The following TRAF5 variants were observed in gnomAD, a reference collection of about 807,000 sequenced individuals.
The protein encoded by TRAF5 is TNF receptor associated factor 5, also known as TNF receptor-associated factor 5.
TRAF5 carries 48 observed loss-of-function variants against 64.5 expected under a neutral mutation model. The ratio of observed to expected loss-of-function variants is 0.74; its 90% CI spans 0.59 to 0.95. TRAF5 has a LOEUF of 0.95. Ranked by LOEUF, TRAF5 falls within the 40% of genes least tolerant of loss-of-function variation. The pLI is 0.00. For synonymous variants in TRAF5, 206 were observed against 240.5 expected (o/e 0.86, Z 1.33); for missense variants, 545 against 662.8 (o/e 0.82, Z 1.95).
intron 1 of TRAF5, among the ~76,000 whole-genome samples, chr1:211,333,377 C>T (rs1487744618): frequency 1.3e-5 from 2 of 151,792 alleles, no homozygotes; most frequent in Non-Finnish European, 2.9e-5. Context: ...TTAGTAGAAA[C>T]GGGATTTCAC....
At chr1:211,352,934 C>T (rs1702838731) in intron 1 of TRAF5, among the ~76,000 whole-genome samples, 1 of 152,164 alleles carries the variant, frequency 6.6e-6, no homozygotes, top group Non-Finnish European at 1.5e-5. Context: ...TTTGTCCAAG[C>T]ATATGGCCAA....
At chr1:211,334,256 C>G (rs1392869939) in intron 1 of TRAF5, among the ~76,000 whole-genome samples, 3 of 152,156 alleles carry the variant, frequency 2.0e-5, no homozygotes, top group Non-Finnish European at 2.9e-5. Flanking sequence ...ACCAGGGAAG[C>G]CCATTAGAGA....
chr1:211,373,666 T>A lies in TRAF5; in HGVS notation c.*964T>A, dbSNP rs2102779838. 6.6e-6 allele frequency: 1 copy of A among 152,314 alleles called. No homozygotes were observed. The highest frequency in any genetic ancestry group is 6.5e-5 in the Admixed American group (1 of 15,302). 9.4% of individuals were successfully genotyped at this position (152,314 alleles called of 1,614,324 possible). Reference sequence around the variant, plus strand: ...AATTTACAACTTGAGGAGAAAACCTTTACAATTTCCTATGGGTGTCAGAAG... The same window carrying A: ...AATTTACAACTTGAGGAGAAAACCTATACAATTTCCTATGGGTGTCAGAAG... On this transcript the variant is annotated 3_prime_UTR_variant, in exon 11 of 11. Coordinates refer to ENST00000261464, the MANE Select transcript of TRAF5 (RefSeq NM_001033910.3).
intron 3 of TRAF5, 47 bp from the exon 4 acceptor site, chr1:211,356,320 G>T: frequency 6.6e-7 from 1 of 1,511,166 alleles, no homozygotes. Flanking sequence ...AATTCACATT[G>T]CTGTAAAACT....
In TRAF5 at chr1:211,354,405, T is replaced by C; in HGVS notation, c.219-5T>C. The C allele has an allele frequency of 6.2e-7, 1 of 1,613,966 alleles. No individual in the cohort carries two copies. Among genetic ancestry groups the C allele is most frequent in the Non-Finnish European group, 8.5e-7 (1 of 1,179,936 alleles). On this transcript the variant is annotated splice_region_variant and splice_polypyrimidine_tract_variant and intron_variant, in intron 2 of 10. Transcript: ENST00000261464. ...CTCTGGCTCCATTTTAATTTTTTTC[T>C]CCAGAGAATTAAACACAGTGCCAAT... is the stretch of plus-strand genomic sequence containing the variant.
At chr1:211,358,835 AATACT>A (rs967399882) in intron 4 of TRAF5, 125 of 148,168 alleles carry the variant, frequency 8.4e-4, no homozygotes, top group African/African-American at 2.9e-3. Context: ...TAATATATTA[AATACT>A]ATAATATATT....
At chr1:211,334,970 T>C (rs548216403) in intron 1 of TRAF5, among the ~76,000 whole-genome samples, 27 of 152,216 alleles carry the variant, frequency 1.8e-4, no homozygotes, top group Non-Finnish European at 2.9e-5. Flanking sequence ...CAGCATGGCC[T>C]CCTACTGCTG....
At chr1:211,336,212 AG>A (rs1480769863) in intron 1 of TRAF5, among the ~76,000 whole-genome samples, 1 of 152,178 alleles carries the variant, frequency 6.6e-6, no homozygotes, top group Non-Finnish European at 1.5e-5. Flanking sequence ...CACCTAAATG[AG>A]GGCCCCATAA....
chr1:211,331,800 G>A (rs1001375848), intron 1 of TRAF5, among the ~76,000 whole-genome samples: 6 of 152,116 alleles, frequency 3.9e-5, no homozygotes, highest in Non-Finnish European at 8.8e-5. Flanking sequence ...CAAGTAGCTG[G>A]GATTACAGGC....
chr1:211,372,312 C>A lies in TRAF5; in HGVS notation c.1284C>A (p.Ile428=), dbSNP rs1473186093. The change falls in exon 11 of 11, where the codon ATC becomes ATA. Residue 428 remains isoleucine, a synonymous_variant. Transcript: ENST00000261464. The part of the protein sequence containing the change: ...REAVDGHTVS[I]FSQSFYTSRC... ...CGGTGGATGGGCACACAGTGTCCAT[C>A]TTCAGCCAGTCCTTCTACACCAGCC... The A allele has an allele frequency of 6.2e-7, 1 of 1,614,118 alleles. No homozygotes were observed. Among genetic ancestry groups the A allele is most frequent in the East Asian group, 2.2e-5 (1 of 44,878 alleles).
chr1:211,335,200 G>A (rs561631322), intron 1 of TRAF5, among the ~76,000 whole-genome samples: 1 of 152,286 alleles, frequency 6.6e-6, no homozygotes, highest in East Asian at 1.9e-4. Context: ...CAGCAGACAA[G>A]CCTGAATCCC....
rs547445317 is a variant in TRAF5, at chr1:211,345,975, A to G, written c.-1-7264A>G. Among the ~76,000 whole-genome samples the G allele has an allele frequency of 2.0e-5, 3 of 152,390 alleles. No individual in the cohort carries two copies. In the East Asian group the frequency reaches 5.8e-4, roughly 29 times the overall value. ...TACCTCATGCTGCAGAGCTAAGCAGAGCAAGAGTAGGGGGTGGATCTGGGC... is the reference window on the plus strand; with the variant it reads ...TACCTCATGCTGCAGAGCTAAGCAGGGCAAGAGTAGGGGGTGGATCTGGGC... On this transcript the variant is annotated intron_variant, in intron 1 of 10. Transcript: ENST00000261464.
chr1:211,334,682 A>G (rs562036432), intron 1 of TRAF5, among the ~76,000 whole-genome samples: 12 of 152,012 alleles, frequency 7.9e-5, no homozygotes, highest in Admixed American at 2.0e-4. Flanking sequence ...AAACAAAACA[A>G]AACACATTGT....
Position 211,372,967 on chromosome 1 carries a change from T to G in TRAF5, c.*265T>G. The stretch of plus-strand genomic sequence containing the variant: ...AAGATGGTAAGTTTCTTGAAGTTTT[T>G]GGGGCGTTTCTCTTTTACTGGTGCT... On this transcript the variant is annotated 3_prime_UTR_variant, in exon 11 of 11. Coordinates refer to ENST00000261464, the MANE Select transcript of TRAF5 (RefSeq NM_001033910.3). 3.3e-6 allele frequency: 1 copy of G among 303,480 alleles called. No homozygotes were observed. Among genetic ancestry groups the G allele is most frequent in the Non-Finnish European group, 6.0e-6 (1 of 166,508 alleles). The allele number at this position is 303,480 out of a possible 1,614,324, so 18.8% of individuals were successfully genotyped here.
At chr1:211,333,434 T>TC (rs565310994) in intron 1 of TRAF5, among the ~76,000 whole-genome samples, 24 of 150,708 alleles carry the variant, frequency 1.6e-4, no homozygotes, top group African/African-American at 2.2e-4. Flanking sequence ...GGCGATCCAC[T>TC]CCCCCCCCAC....
Position 211,372,428 on chromosome 1 carries a change from G to A in TRAF5, c.1400G>A (p.Arg467Gln), listed in dbSNP as rs772634293. The change falls in exon 11 of 11, where the codon CGA (arginine) becomes CAA (glutamine). Residue 467 changes from arginine (R) to glutamine (Q), a missense_variant. Physicochemically the swap from Arg to Gln is conservative, Grantham distance 43. Transcript: ENST00000261464. ...SHLSLYFVVM[R>Q]GEFDSLLQWP... is the part of the protein sequence containing the mutation. ...CTGTCCCTATACTTTGTGGTCATGC[G>A]AGGAGAGTTTGACTCACTGTTGCAG... The A allele has an allele frequency of 6.8e-6, 11 of 1,614,168 alleles. No individual in the cohort carries two copies. Among genetic ancestry groups the A allele is most frequent in the African/African-American group, 4.0e-5 (3 of 75,038 alleles).
Position 211,373,797 on chromosome 1 carries a change from AT to A in TRAF5, c.*1096del, listed in dbSNP as rs1308822336. The A allele has an allele frequency of 6.6e-6, 1 of 152,184 alleles. No individual in the cohort carries two copies. The highest frequency in any genetic ancestry group is 1.5e-5 in the Non-Finnish European group (1 of 68,074). 9.4% of individuals were successfully genotyped at this position (152,184 alleles called of 1,614,324 possible). A position where few individuals can be genotyped will look rare whatever the true frequency, so the allele number is the denominator to read the frequency against. On this transcript the variant is annotated 3_prime_UTR_variant, in exon 11 of 11. Coordinates refer to ENST00000261464, the MANE Select transcript of TRAF5 (RefSeq NM_001033910.3). ...ACCCAGGCTGGAGTACAGTGGCATG[AT>A]CTCAGCTCACTGCAAACTCTGCCTC...
chr1:211,360,209 C>CT (rs1703130778), intron 5 of TRAF5, 133 bp downstream of exon 5: 2 of 998,846 alleles, frequency 2.0e-6, no homozygotes, highest in South Asian at 1.7e-5. Context: ...AAAGAATTTG[C>CT]TTTTTGGAGA....
chr1:211,351,217 G>A (rs1057148783), intron 1 of TRAF5, among the ~76,000 whole-genome samples: 2 of 151,828 alleles, frequency 1.3e-5, no homozygotes, highest in Admixed American at 6.6e-5. Context: ...TAGTAGAGAC[G>A]GGGTTTCACC....
Sources: allele counts gnomAD v4.1 joint callset (sites outside exome capture counted in the v4.1 genomes callset), GRCh38; gene constraint gnomAD v4.1.1; transcripts MANE v1.5; gene names NCBI Gene and HGNC (gene_info 2026-07-23, HGNC 2026-07-21).